HLCS: variants seen among roughly 807,000 people sequenced by gnomAD.
The protein encoded by HLCS is holocarboxylase synthetase, also known as biotin--protein ligase.
In HLCS, 53 loss-of-function variants were observed where a neutral mutation model predicts 75.0. The ratio of observed to expected loss-of-function variants is 0.71; its 90% CI spans 0.57 to 0.89. HLCS has a LOEUF of 0.89. HLCS is among the 40% of genes least tolerant of loss of function. The pLI, the probability that HLCS is intolerant of heterozygous loss-of-function variation, is 0.00. For missense variants in HLCS, 966 were observed against 1,074.0 expected, an observed-to-expected ratio of 0.90 and a Z score of 1.41; for synonymous variants, 431 against 428.6, an observed-to-expected ratio of 1.01 and a Z score of -0.07.
Position 36,752,321 on chromosome 21 carries a change from T to A in HLCS, c.*1925A>T, listed in dbSNP as rs960636742. On this transcript the variant is annotated 3_prime_UTR_variant, in exon 11 of 11. Coordinates refer to ENST00000674895, the MANE Select transcript of HLCS (RefSeq NM_001352514.2). ...CAGAAAGGAAATTAAATGATAACATTTTTTCCCAAAGCAGAGTGTCCAGAA... is the reference window on the plus strand; with the variant it reads ...CAGAAAGGAAATTAAATGATAACATATTTTCCCAAAGCAGAGTGTCCAGAA... 6.6e-6 allele frequency: 1 copy of A among 152,568 alleles called. No individual in the cohort carries two copies. The highest frequency in any genetic ancestry group is 2.4e-5 in the African/African-American group (1 of 41,414). 9.5% of individuals were successfully genotyped at this position (152,568 alleles called of 1,614,324 possible).
chr21:36,881,685 TGAAAA>T (rs1434393861), intron 6 of HLCS, among the ~76,000 whole-genome samples: 7 of 152,024 alleles, frequency 4.6e-5, no homozygotes, highest in Admixed American at 4.6e-4. Flanking sequence ...CAGCCAGACA[TGAAAA>T]GAAAAGAACT....
chr21:36,880,986 G>GTTTT (rs1444224762), intron 6 of HLCS, among the ~76,000 whole-genome samples: 1 of 145,664 alleles, frequency 6.9e-6, no homozygotes, highest in South Asian at 2.2e-4. Flanking sequence ...TTGTTTGTTT[G>GTTTT]TTTTGAGATA....
rs376903098 is a variant in HLCS, at chr21:36,936,595, C to T, written c.1291G>A (p.Val431Ile). The T allele has an allele frequency of 5.7e-5, 92 of 1,614,234 alleles. No homozygotes were observed. Among genetic ancestry groups the T allele is most frequent in the East Asian group, 2.9e-4 (13 of 44,878 alleles). The change falls in exon 4 of 11, where the codon GTC becomes ATC. Residue 431 changes from valine to isoleucine, a missense_variant. Transcript: ENST00000674895. ...TGGTACCTGCAGCCACTGCTCAAGA[C>T]GCTGAGCTTCACCTCGCTCTGGTCA... ...KADQSEVKLS[V>I]LSSGCRYQEG...
At chr21:36,935,866 G>A (rs777143035) in intron 4 of HLCS, among the ~76,000 whole-genome samples, 2 of 152,036 alleles carry the variant, frequency 1.3e-5, no homozygotes, top group Admixed American at 6.5e-5. Context: ...GTATTAGTAT[G>A]CCACAAATCT....
In HLCS at chr21:36,765,170, G is replaced by A. The variant is rs119103229; in HGVS notation, c.1963C>T (p.Arg655Trp). 8.1e-6 allele frequency: 13 copies of A among 1,614,014 alleles called. No individual in the cohort carries two copies. In the East Asian group the frequency reaches 1.8e-4, roughly 22 times the overall value. ...IAARQTEGKG[R>W]GGNVWLSPVG... is the part of the protein sequence containing the mutation. ...GGGCTCAGCCACACATTCCCTCCCCGTCCTGGAACACAGGCCACAGTGGGA... is the reference window on the plus strand; with the variant it reads ...GGGCTCAGCCACACATTCCCTCCCCATCCTGGAACACAGGCCACAGTGGGA... Residue 655 changes from arginine (R) to tryptophan (W), a missense_variant and splice_region_variant, in exon 8 of 11, where the codon CGG becomes TGG. By Grantham distance (101) the Arg-to-Trp change is moderately radical. Coordinates refer to ENST00000674895, the MANE Select transcript of HLCS (RefSeq NM_001352514.2).
At chr21:36,851,620 G>A (rs2063010353) in intron 6 of HLCS, among the ~76,000 whole-genome samples, 1 of 151,886 alleles carries the variant, frequency 6.6e-6, no homozygotes, top group Non-Finnish European at 1.5e-5. Flanking sequence ...AGCACAACAG[G>A]GTGACTACAG....
rs2089438976 is a variant in HLCS at position 36,753,360 on chromosome 21, AAACT to A, written c.*882_*885del. 6.6e-6 allele frequency: 1 copy of A among 152,206 alleles called. No homozygotes were observed. The highest frequency in any genetic ancestry group is 2.4e-5 in the African/African-American group (1 of 41,444). 9.4% of individuals were successfully genotyped at this position (152,206 alleles called of 1,614,324 possible). On this transcript the variant is annotated 3_prime_UTR_variant, in exon 11 of 11. Coordinates refer to ENST00000674895, the MANE Select transcript of HLCS (RefSeq NM_001352514.2). This position sits in a 1 kb window ranked among gnomAD's most constrained non-coding sequence, Gnocchi z 4.3. ...TGCTCCACATTTCAGAGTAAATCTG[AAACT>A]GGCTTAAAAGCTCCAAATCCTCCCT...
At chr21:36,769,928 G>C (rs1265021966) in intron 6 of HLCS, among the ~76,000 whole-genome samples, 5 of 152,056 alleles carry the variant, frequency 3.3e-5, no homozygotes, top group Non-Finnish European at 7.4e-5. Context: ...CTGAACCTAA[G>C]AAAATAGTCC....
intron 6 of HLCS, among the ~76,000 whole-genome samples, chr21:36,830,813 C>A (rs1018979979): frequency 8.8e-6 from 1 of 113,854 alleles, no homozygotes; most frequent in African/African-American, 3.4e-5. Context: ...CAGAGTGAGA[C>A]CCTCTCTCAA....
Position 36,914,985 on chromosome 21 carries a change from C to T in HLCS, c.1620+15266G>A, listed in dbSNP as rs535448316. 2.0e-5 allele frequency among the ~76,000 whole-genome samples: 3 copies of T among 152,396 alleles called. No homozygotes were observed. In the East Asian group the frequency reaches 5.8e-4, roughly 29 times the overall value. Reference sequence around the variant, plus strand: ...CCTGGGGGCCCATAGGCAGCCCTGCCTGGTGCACCCAGAGGTGCCCATCCT... The same window carrying T: ...CCTGGGGGCCCATAGGCAGCCCTGCTTGGTGCACCCAGAGGTGCCCATCCT... On this transcript the variant is annotated intron_variant, in intron 5 of 10. Coordinates refer to ENST00000674895, the MANE Select transcript of HLCS (RefSeq NM_001352514.2).
intron 6 of HLCS, among the ~76,000 whole-genome samples, chr21:36,836,007 ATGTCATGCAAATC>A (rs1192481878): frequency 6.6e-6 from 1 of 151,920 alleles, no homozygotes; most frequent in African/African-American, 2.4e-5. Context: ...TTACCCAAGA[ATGTCATGCAAATC>A]TGCTCATGGT....
intron 6 of HLCS, among the ~76,000 whole-genome samples, chr21:36,818,405 A>AGAC (rs1440535336): frequency 6.6e-6 from 1 of 152,208 alleles, no homozygotes. Flanking sequence ...GTCTAAAATA[A>AGAC]GACGGTTCAT....
At chr21:36,766,215 G>A (rs771296852) in intron 7 of HLCS, among the ~76,000 whole-genome samples, 87 of 151,966 alleles carry the variant, frequency 5.7e-4, no homozygotes, top group Non-Finnish European at 9.0e-4. Flanking sequence ...TTAAGAGATG[G>A]GTCTTGCTAA....
chr21:36,941,029 T>C (rs1210165642), intron 2 of HLCS, among the ~76,000 whole-genome samples: 3 of 152,156 alleles, frequency 2.0e-5, no homozygotes, highest in Non-Finnish European at 4.4e-5. Context: ...CTGGGCAACA[T>C]GGTAAAACCC....
upstream of HLCS, among the ~76,000 whole-genome samples, chr21:36,966,871 G>A (rs1287546749): frequency 6.7e-6 from 1 of 149,942 alleles, no homozygotes; most frequent in Non-Finnish European, 1.5e-5. Flanking sequence ...TCCGGAGGCC[G>A]CGCCCAGGGC....
chr21:36,868,253 AAG>A (rs1173014505), intron 6 of HLCS, among the ~76,000 whole-genome samples: 2 of 150,258 alleles, frequency 1.3e-5, no homozygotes, highest in African/African-American at 5.0e-5. Flanking sequence ...GAAAGAAAGA[AAG>A]AGAGAAGGAA....
chr21:36,859,880 G>A (rs927635702), intron 6 of HLCS, among the ~76,000 whole-genome samples: 1 of 152,240 alleles, frequency 6.6e-6, no homozygotes, highest in Non-Finnish European at 1.5e-5. Context: ...AGGAGATGGG[G>A]AAGAAGACGG....
chr21:36,830,461 T>C (rs2062164322), intron 6 of HLCS, among the ~76,000 whole-genome samples: 1 of 152,208 alleles, frequency 6.6e-6, no homozygotes, highest in Non-Finnish European at 1.5e-5. Context: ...TTTCTCTGTA[T>C]CTGTAGCTAC....
Position 36,966,424 on chromosome 21 carries a change from CG to C in HLCS, c.195+19del. ...TCCGGCTCGCGGGGCCCGGGTCGCCCGCCCGCCCGACCCGCCCACCTGGCTG... is the reference window on the plus strand; with the variant it reads ...TCCGGCTCGCGGGGCCCGGGTCGCCCCCCGCCCGACCCGCCCACCTGGCTG... On this transcript the variant is annotated intron_variant, in intron 1 of 10. Coordinates refer to ENST00000674895, the MANE Select transcript of HLCS (RefSeq NM_001352514.2). 2.6e-5 allele frequency: 12 copies of C among 461,632 alleles called. No individual in the cohort carries two copies. Among genetic ancestry groups the C allele is most frequent in the South Asian group, 9.0e-5 (1 of 11,060 alleles). 28.6% of individuals were successfully genotyped at this position (461,632 alleles called of 1,614,324 possible).
Sources: allele counts gnomAD v4.1 joint callset (sites outside exome capture counted in the v4.1 genomes callset), GRCh38; gene constraint gnomAD v4.1.1; non-coding constraint Gnocchi (gnomAD v3.1); transcripts MANE v1.5; gene names NCBI Gene and HGNC (gene_info 2026-07-23, HGNC 2026-07-21).